The following FOXM1 variants were observed in gnomAD, a reference collection of about 807,000 sequenced individuals.
FOXM1 encodes forkhead box M1, also known as forkhead box protein M1.
A neutral mutation model predicts 63.6 loss-of-function variants in FOXM1; 25 were observed. The observed-to-expected ratio is 0.39, with a 90% confidence interval of 0.29 to 0.55. The LOEUF is 0.55. Ranked by LOEUF, FOXM1 falls within the 20% of genes least tolerant of loss-of-function variation. The pLI is 0.60. For missense variants in FOXM1, 879 were observed against 958.7 expected, an observed-to-expected ratio of 0.92 and a Z score of 1.10; for synonymous variants, 387 against 376.9, an observed-to-expected ratio of 1.03 and a Z score of -0.31.
At chr12:2,861,617 A>G (rs2098113498) in intron 8 of FOXM1, among the ~76,000 whole-genome samples, 1 of 152,200 alleles carries the variant, frequency 6.6e-6, no homozygotes, top group African/African-American at 2.4e-5. Context: ...ATTTAGTAGA[A>G]TTTAAAATAC....
intron 3 of FOXM1, among the ~76,000 whole-genome samples, chr12:2,869,175 G>A (rs1454946379): frequency 6.6e-6 from 1 of 152,164 alleles, no homozygotes; most frequent in Non-Finnish European, 1.5e-5. Context: ...TCATTTCAAT[G>A]TTTGTATGAG....
At chr12:2,868,391 A>T (rs955175555) in intron 4 of FOXM1, 172 bp downstream of exon 4, 1 of 524,836 alleles carries the variant, frequency 1.9e-6, no homozygotes, top group African/African-American at 2.0e-5. Flanking sequence ...AGCTCTTCTT[A>T]ATGATTTTGC....
Position 2,859,466 on chromosome 12 carries a change from G to C in FOXM1, c.1464C>G (p.Pro488=), listed in dbSNP as rs2098104389. ...CCTCTTTGAAAGATGGGGCCGGGGA[G>C]GGCCACTCTTCCAAGGGAGGGCTCT... ...KVESPPLEEW[P]SPAPSFKEES... Residue 488 remains proline, a synonymous_variant, in exon 9 of 9, where the codon CCC becomes CCG. Coordinates refer to ENST00000359843, the MANE Select transcript of FOXM1 (RefSeq NM_021953.4). The C allele has an allele frequency of 6.2e-7, 1 of 1,613,764 alleles. No individual in the cohort carries two copies. The highest frequency in any genetic ancestry group is 1.7e-5 in the Admixed American group (1 of 59,986).
intron 6 of FOXM1, 58 bp downstream of exon 6, chr12:2,865,297 T>C (rs925073138): frequency 7.5e-6 from 11 of 1,463,488 alleles, no homozygotes; most frequent in African/African-American, 4.2e-5. Context: ...ACTAAAGCCA[T>C]GCTGAGCAGT....
intron 8 of FOXM1, among the ~76,000 whole-genome samples, chr12:2,862,458 G>A (rs1277802666): frequency 6.6e-6 from 1 of 152,132 alleles, no homozygotes; most frequent in Non-Finnish European, 1.5e-5. Flanking sequence ...ACATGCTACG[G>A]CCACATGAAT....
intron 6 of FOXM1, 121 bp downstream of exon 6, chr12:2,865,234 A>T: frequency 1.1e-6 from 1 of 893,040 alleles, no homozygotes; most frequent in Non-Finnish European, 1.8e-6. Context: ...GCTGGCACCT[A>T]GACAAAACAT....
chr12:2,859,234 G>A lies in FOXM1; in HGVS notation c.1696C>T (p.Pro566Ser), dbSNP rs1421708052. The A allele has an allele frequency of 1.2e-6, 2 of 1,613,538 alleles. No individual in the cohort carries two copies. Among genetic ancestry groups the A allele is most frequent in the Non-Finnish European group, 1.7e-6 (2 of 1,179,990 alleles). ...TCTGCGGCCCAGCGGGAAGTACTGG[G>A]CCCCTCTGAGAAGAGCAGCTCCGGC... Reference protein sequence around the residue: ...DEPELLFSEGPSTSRWAAELP... With the variant: ...DEPELLFSEGSSTSRWAAELP... Residue 566 changes from proline (P) to serine (S), a missense_variant, in exon 9 of 9, where the codon CCC becomes TCC. Physicochemically the swap from Pro to Ser is moderately conservative, Grantham distance 74. This residue lies in a region of FOXM1 where 486 missense variants were observed against 453.5 expected (regional missense o/e 1.07). Transcript: ENST00000359843.
intron 2 of FOXM1, among the ~76,000 whole-genome samples, chr12:2,873,020 C>T (rs1391753229): frequency 6.6e-6 from 1 of 152,180 alleles, no homozygotes; most frequent in Non-Finnish European, 1.5e-5. Context: ...CGCCACTGCA[C>T]TCTAGCCTGG....
At chr12:2,865,331 C>G (rs367812848) in intron 6 of FOXM1, 24 bp downstream of exon 6, 1 of 1,600,880 alleles carries the variant, frequency 6.2e-7, no homozygotes, top group Non-Finnish European at 8.5e-7. Flanking sequence ...GGCCAAGCCC[C>G]GAGCCAGAGG....
At position 2,874,677 on chromosome 12, in the gene FOXM1, T is replaced by A. The variant is rs556648463; in HGVS notation, c.-47-152A>T. ...GGACTTTTGTAAAGACCTCAGATAA[T>A]AAGGAGATAAGCTTTACTGACAAAA... On this transcript the variant is annotated intron_variant, in intron 1 of 8. Transcript: ENST00000359843. This position sits in a 1 kb window ranked among gnomAD's most constrained non-coding sequence, Gnocchi z 4.3. 8.8e-4 allele frequency among the ~76,000 whole-genome samples: 134 copies of A among 152,100 alleles called. No individual in the cohort carries two copies. Among genetic ancestry groups the A allele is most frequent in the African/African-American group, 3.1e-3 (130 of 41,502 alleles).
Position 2,868,683 on chromosome 12 carries a change from C to G in FOXM1, c.726G>C (p.Met242Ile). ...SVSERPPYSY[M>I]AMIQFAINST... ...TGTTGATGGCGAATTGTATCATGGCCATGTAAGAGTAGGGTGGCCGCTCAG... is the reference window on the plus strand; with the variant it reads ...TGTTGATGGCGAATTGTATCATGGCGATGTAAGAGTAGGGTGGCCGCTCAG... Residue 242 changes from methionine (M) to isoleucine (I), a missense_variant, in exon 4 of 9, where the codon ATG becomes ATC. By Grantham distance (10) the Met-to-Ile change is conservative. Coordinates refer to ENST00000359843, the MANE Select transcript of FOXM1 (RefSeq NM_021953.4). The G allele has an allele frequency of 1.9e-6, 3 of 1,613,876 alleles. No individual in the cohort carries two copies. Among genetic ancestry groups the G allele is most frequent in the Non-Finnish European group, 2.5e-6 (3 of 1,179,930 alleles).
intron 8 of FOXM1, chr12:2,861,306 C>T (rs1565464655): frequency 1.4e-6 from 1 of 730,934 alleles, no homozygotes; most frequent in Non-Finnish European, 2.5e-6. Flanking sequence ...TACTGATAAA[C>T]AAAGAAAGAT....
chr12:2,871,023 G>A (rs2098132422), intron 3 of FOXM1, among the ~76,000 whole-genome samples: 1 of 149,350 alleles, frequency 6.7e-6, no homozygotes. Flanking sequence ...ATGAAGAAGG[G>A]AACACTAGAC....
chr12:2,859,309 T>A lies in FOXM1; in HGVS notation c.1621A>T (p.Arg541Trp). The change falls in exon 9 of 9, where the codon AGG becomes TGG. Residue 541 changes from arginine (R) to tryptophan (W), a missense_variant. Physicochemically the swap from Arg to Trp is moderately radical, Grantham distance 101. Transcript: ENST00000359843. The stretch of plus-strand genomic sequence containing the variant: ...TGCTGTTTTCTCCGAGACCGGCTCC[T>A]CTCCCTCCTCTCCCTGTGTTGAATC... The part of the protein sequence containing the change: ...LVIQHRERRE[R>W]SRSRRKQHLL... 6.2e-7 allele frequency: 1 copy of A among 1,612,900 alleles called. No homozygotes were observed.
In FOXM1 at chr12:2,864,469, G is replaced by T. The variant is rs1173991172; in HGVS notation, c.1117C>A (p.Arg373=). The T allele has an allele frequency of 1.2e-6, 2 of 1,612,938 alleles. No homozygotes were observed. The highest frequency in any genetic ancestry group is 1.7e-6 in the Non-Finnish European group (2 of 1,179,078). ...ARRKMKPLLP[R]VSSYLVPIQF... The stretch of plus-strand genomic sequence containing the variant: ...ATAGGTACCAGGTATGAGCTGACCC[G>T]TGGTAGCAGTGGCTTCATCTTCCGC... Residue 373 remains arginine (R), a synonymous_variant, in exon 8 of 9, where the codon CGG becomes AGG. Transcript: ENST00000359843. The surrounding 1 kb of genome is among the most constrained non-coding windows in gnomAD (Gnocchi z 5.1).
At chr12:2,866,893 C>T (rs2098124162) in intron 4 of FOXM1, among the ~76,000 whole-genome samples, 1 of 152,204 alleles carries the variant, frequency 6.6e-6, no homozygotes, top group South Asian at 2.1e-4. Context: ...TGGCTCACGC[C>T]TATAATCCCA....
At position 2,858,795 on chromosome 12, in the gene FOXM1, A is replaced by G. The variant is rs753352536; in HGVS notation, c.2135T>C (p.Leu712Pro). The G allele has an allele frequency of 6.2e-7, 1 of 1,614,108 alleles. No homozygotes were observed. Among genetic ancestry groups the G allele is most frequent in the African/African-American group, 1.3e-5 (1 of 74,942 alleles). The change falls in exon 9 of 9, where the codon CTT becomes CCT. Residue 712 changes from leucine (L) to proline (P), a missense_variant. Transcript: ENST00000359843. ...TTCTGTCAGAGAACGATTGGCTGCA[A>G]GGCCAGAAACCTGTGGCTCCGGGGA... ...PGSPEPQVSG[L>P]AANRSLTEGL...
rs572370372 is a variant in FOXM1 at position 2,874,812 on chromosome 12, G to A, written c.-47-287C>T. On this transcript the variant is annotated intron_variant, in intron 1 of 8. Coordinates refer to ENST00000359843, the MANE Select transcript of FOXM1 (RefSeq NM_021953.4). This position sits in a 1 kb window ranked among gnomAD's most constrained non-coding sequence, Gnocchi z 4.3. ...CTTCAGAATATTTGGCTACAGAAAT[G>A]GATGGGATAGCTACAAATATGTGGA... Among the ~76,000 whole-genome samples the A allele has an allele frequency of 4.8e-4, 73 of 152,150 alleles. No individual in the cohort carries two copies. Among genetic ancestry groups the A allele is most frequent in the African/African-American group, 1.7e-3 (71 of 41,512 alleles).
In FOXM1 at chr12:2,859,651, C is replaced by G; in HGVS notation, c.1279G>C (p.Glu427Gln). The G allele has an allele frequency of 6.2e-7, 1 of 1,605,232 alleles. No individual in the cohort carries two copies. Among genetic ancestry groups the G allele is most frequent in the African/African-American group, 1.3e-5 (1 of 74,878 alleles). ...GAAGAAAGAGGAGCTATCCCCTCCTCAGCTAGCAGCACCTGAAAGGGAAAC... is the reference window on the plus strand; with the variant it reads ...GAAGAAAGAGGAGCTATCCCCTCCTGAGCTAGCAGCACCTGAAAGGGAAAC... ...VRIAPKVLLA[E>Q]EGIAPLSSAG... The change falls in exon 9 of 9, where the codon GAG (glutamate) becomes CAG (glutamine). Residue 427 changes from glutamate to glutamine, a missense_variant. Glu to Gln is a conservative substitution (Grantham distance 29). Around this residue, in one of 4 missense-constraint regions of FOXM1, gnomAD observed 486 missense variants for 453.5 expected, o/e 1.07. Transcript: ENST00000359843.
Sources: gnomAD v4.1 joint callset for allele counts (sites outside exome capture counted in the v4.1 genomes callset) on GRCh38, gnomAD v4.1.1 for gene constraint, gnomAD v4.1.1 regional missense constraint, Gnocchi (gnomAD v3.1) non-coding constraint, MANE v1.5 for transcripts, NCBI Gene and HGNC (gene_info 2026-07-23, HGNC 2026-07-21) for gene names.